RASSF4: variants seen among roughly 807,000 people sequenced by gnomAD.
RASSF4 encodes the protein Ras association domain family member 4.
In RASSF4, 38 loss-of-function variants were observed where a neutral mutation model predicts 41.1. The observed-to-expected ratio is 0.92, with a 90% CI of 0.71 to 1.21. RASSF4 has a LOEUF of 1.21. Ranked by LOEUF, RASSF4 falls within the 50% of genes most tolerant of loss-of-function variation. The pLI is 0.00. For missense variants in RASSF4, 414 were observed against 419.4 expected, an observed-to-expected ratio of 0.99 and a Z score of 0.11; for synonymous variants, 179 against 163.4, an observed-to-expected ratio of 1.10 and a Z score of -0.73.
intron 1 of RASSF4, among the ~76,000 whole-genome samples, chr10:44,969,104 G>T (rs934361686): frequency 8.7e-5 from 13 of 149,480 alleles, no homozygotes; most frequent in South Asian, 4.2e-4. Context: ...GTATGCGTGT[G>T]TTTTTGTGTG....
chr10:44,991,526 C>G (rs1287223356), intron 9 of RASSF4, among the ~76,000 whole-genome samples: 1 of 152,208 alleles, frequency 6.6e-6, no homozygotes, highest in Admixed American at 6.5e-5. Context: ...GTTTGAACCT[C>G]AAGTAGGAGG....
chr10:44,962,792 G>C (rs1433603121), intron 1 of RASSF4, among the ~76,000 whole-genome samples: 1 of 152,252 alleles, frequency 6.6e-6, no homozygotes, highest in Non-Finnish European at 1.5e-5. Flanking sequence ...GGGGGTTCCA[G>C]GAGCAGAGAA....
chr10:44,986,681 T>C lies in RASSF4; in HGVS notation c.531+1711T>C, dbSNP rs189213220. ...AAGCCCTTTCTTACCACGCTCAACA[T>C]CCATACAGAACTAATGTCCTTAGAA... On this transcript the variant is annotated intron_variant, in intron 6 of 10. Coordinates refer to ENST00000340258, the MANE Select transcript of RASSF4 (RefSeq NM_032023.4). 7.9e-5 allele frequency among the ~76,000 whole-genome samples: 12 copies of C among 152,314 alleles called. No individual in the cohort carries two copies. The East Asian group carries it at 1.3e-3, about 17-fold the overall frequency.
At chr10:44,963,084 C>G (rs372164011) in intron 1 of RASSF4, among the ~76,000 whole-genome samples, 1 of 152,010 alleles carries the variant, frequency 6.6e-6, no homozygotes, top group South Asian at 2.1e-4. Context: ...CAGGGCAAGG[C>G]GGGAGTGGAG....
At chr10:44,989,588 G>T (rs911179277) in intron 7 of RASSF4, 82 bp from the exon 8 acceptor site, 2 of 1,245,280 alleles carry the variant, frequency 1.6e-6, no homozygotes, top group Non-Finnish European at 1.2e-6. Flanking sequence ...GTTACTGGGG[G>T]TGTAGTTACT....
rs200923081 is a variant in RASSF4, at chr10:44,984,119, C to T, written c.373+6C>T. On this transcript the variant is annotated splice_donor_region_variant and intron_variant, in intron 5 of 10. Transcript: ENST00000340258. ...GAGTTCCACAGACAGCTCGGGTAAGCGGAGCCCGCAAGCTGCCCAGACCCC... is the reference window on the plus strand; with the variant it reads ...GAGTTCCACAGACAGCTCGGGTAAGTGGAGCCCGCAAGCTGCCCAGACCCC... 1.4e-5 allele frequency: 23 copies of T among 1,591,496 alleles called. No individual in the cohort carries two copies. Among genetic ancestry groups the T allele is most frequent in the South Asian group, 8.0e-5 (7 of 87,476 alleles).
chr10:44,965,251 G>A (rs1840858864), intron 1 of RASSF4, among the ~76,000 whole-genome samples: 1 of 152,212 alleles, frequency 6.6e-6, no homozygotes, highest in Non-Finnish European at 1.5e-5. Context: ...ATGGAAGGAG[G>A]AGAGGCTTGG....
intron 6 of RASSF4, among the ~76,000 whole-genome samples, chr10:44,986,184 AAGGGTGGGGGC>A (rs1343646405): frequency 6.6e-6 from 1 of 152,198 alleles, no homozygotes; most frequent in African/African-American, 2.4e-5. Context: ...TTACCAAAAA[AAGGGTGGGGGC>A]AGGGATGTTT....
chr10:44,964,201 G>T (rs1840814760), intron 1 of RASSF4, among the ~76,000 whole-genome samples: 1 of 152,270 alleles, frequency 6.6e-6, no homozygotes, highest in Admixed American at 6.5e-5. Flanking sequence ...AGTGGAAAGG[G>T]AGAACAACTC....
chr10:44,982,485 G>T (rs1222919445), intron 3 of RASSF4, 36 bp from the exon 4 acceptor site: 1 of 1,605,420 alleles, frequency 6.2e-7, no homozygotes. Context: ...GTAGGCAGCT[G>T]CTCTGGGGGA....
chr10:44,977,228 C>T, intron 3 of RASSF4: 2 of 839,128 alleles, frequency 2.4e-6, no homozygotes, highest in Non-Finnish European at 3.7e-6. Context: ...AGGCTGTTAT[C>T]ATATTCAGAG....
intron 2 of RASSF4, chr10:44,971,281 A>G: frequency 2.8e-6 from 1 of 356,612 alleles, no homozygotes; most frequent in Non-Finnish European, 5.6e-6. Flanking sequence ...TCACAGGGCC[A>G]TCACCTTCCA....
chr10:44,962,106 C>T lies in RASSF4; in HGVS notation c.-39+2240C>T, dbSNP rs74779144. On this transcript the variant is annotated intron_variant, in intron 1 of 10. Transcript: ENST00000340258. Reference sequence around the variant, plus strand: ...CCCATAGCTGCAGTGCTGGGAAGAGCCCTGAAGACTCTCTATCAGCTGCCA... The same window carrying T: ...CCCATAGCTGCAGTGCTGGGAAGAGTCCTGAAGACTCTCTATCAGCTGCCA... Among the ~76,000 whole-genome samples the T allele has an allele frequency of 3.6e-3, 555 of 152,286 alleles. 21 individuals are homozygous for T. In the East Asian group the frequency reaches 0.078, roughly 21 times the overall value.
intron 3 of RASSF4, among the ~76,000 whole-genome samples, chr10:44,972,738 C>T (rs966462158): frequency 1.4e-4 from 22 of 152,370 alleles, no homozygotes; most frequent in African/African-American, 4.3e-4. Flanking sequence ...AATGGCAAGT[C>T]TTATCGTGGT....
chr10:44,983,807 C>A, intron 4 of RASSF4: 2 of 729,540 alleles, frequency 2.7e-6, no homozygotes, highest in Non-Finnish European at 2.2e-6. Context: ...TCTGCAGGGC[C>A]AGGCTCACTC....
chr10:44,970,328 C>T, intron 2 of RASSF4, 64 bp downstream of exon 2: 1 of 1,394,592 alleles, frequency 7.2e-7, no homozygotes, highest in Non-Finnish European at 1.0e-6. Context: ...TCATCCTGGG[C>T]AGCCTTTAGG....
At chr10:44,964,078 C>CA (rs1840809856) in intron 1 of RASSF4, among the ~76,000 whole-genome samples, 1 of 152,226 alleles carries the variant, frequency 6.6e-6, no homozygotes, top group African/African-American at 2.4e-5. Context: ...CCCACAAACA[C>CA]AAAAAAGGAA....
chr10:44,985,982 G>A (rs955475077), intron 6 of RASSF4, among the ~76,000 whole-genome samples: 3 of 152,194 alleles, frequency 2.0e-5, no homozygotes, highest in African/African-American at 7.2e-5. Context: ...TAACAAAGGT[G>A]TAGATTAGCC....
chr10:44,991,880 A>T (rs756032706), intron 9 of RASSF4, 25 bp from the exon 10 acceptor site: 1 of 1,527,760 alleles, frequency 6.5e-7, no homozygotes, highest in Admixed American at 1.7e-5. Flanking sequence ...TTTAAAGCAC[A>T]TTAAAATGTT....
Sources: allele counts gnomAD v4.1 joint callset (sites outside exome capture counted in the v4.1 genomes callset), GRCh38; gene constraint gnomAD v4.1.1; transcripts MANE v1.5; gene names NCBI Gene and HGNC (gene_info 2026-07-23, HGNC 2026-07-21).